Variants in BACE2 observed in about 807,000 individuals in gnomAD.
BACE2 encodes the protein 56 kDa aspartic-like protease.
A neutral mutation model predicts 46.2 loss-of-function variants in BACE2; 17 were observed. The ratio of observed to expected loss-of-function variants is 0.37; its 90% CI spans 0.25 to 0.55. The LOEUF (loss-of-function observed/expected upper bound fraction) is 0.55. Ranked by LOEUF, BACE2 falls within the 20% of genes least tolerant of loss-of-function variation. The pLI, the probability that BACE2 is intolerant of heterozygous loss-of-function variation, is 0.82. For missense variants in BACE2, 595 were observed against 698.1 expected, an observed-to-expected ratio of 0.85 and a Z score of 1.66; for synonymous variants, 277 against 295.9, an observed-to-expected ratio of 0.94 and a Z score of 0.66.
intron 1 of BACE2, among the ~76,000 whole-genome samples, chr21:41,174,386 C>T (rs2123485129): frequency 6.6e-6 from 1 of 151,746 alleles, no homozygotes; most frequent in East Asian, 1.9e-4. Flanking sequence ...AGTGATCTGC[C>T]CACCTCGGCC....
Position 41,281,276 on chromosome 21 carries a change from T to C in BACE2, c.*5652T>C, listed in dbSNP as rs1330789667. On this transcript the variant is annotated 3_prime_UTR_variant, in exon 9 of 9. Transcript: ENST00000330333. ...ATTTTTTCCAATGTAGATTTATAAT[T>C]AGAAATGACAGATTTATAATATAGA... 1 of 152,342 alleles carries C rather than the reference T, an allele frequency of 6.6e-6. No homozygotes were observed. 9.4% of individuals were successfully genotyped at this position (152,342 alleles called of 1,614,324 possible).
intron 1 of BACE2, among the ~76,000 whole-genome samples, chr21:41,189,955 A>G (rs1163890223): frequency 6.6e-6 from 1 of 152,198 alleles, no homozygotes; most frequent in Non-Finnish European, 1.5e-5. Flanking sequence ...GGAAGCGTCC[A>G]GTACGGGAGA....
intron 1 of BACE2, among the ~76,000 whole-genome samples, chr21:41,174,962 A>G (rs1437424641): frequency 6.6e-6 from 1 of 152,034 alleles, no homozygotes; most frequent in African/African-American, 2.4e-5. Flanking sequence ...GGGTATAAAC[A>G]TGTTTCTGGT....
intron 1 of BACE2, among the ~76,000 whole-genome samples, chr21:41,200,548 C>G (rs78674434): frequency 2.0e-5 from 3 of 152,136 alleles, no homozygotes; most frequent in African/African-American, 7.2e-5. Context: ...GCTAGCCCGG[C>G]CCCCTGTGAT....
intron 1 of BACE2, among the ~76,000 whole-genome samples, chr21:41,224,360 G>A (rs962588556): frequency 9.9e-5 from 15 of 151,910 alleles, no homozygotes; most frequent in African/African-American, 2.2e-4. Flanking sequence ...GACTGCAGGC[G>A]TGTGCCACCA....
At chr21:41,187,944 G>C (rs1345419448) in intron 1 of BACE2, among the ~76,000 whole-genome samples, 2 of 152,174 alleles carry the variant, frequency 1.3e-5, no homozygotes, top group Non-Finnish European at 2.9e-5. Context: ...GTATATATAA[G>C]AATTTACTAC....
chr21:41,247,603 G>C (rs1463996855), intron 6 of BACE2, among the ~76,000 whole-genome samples: 2 of 152,260 alleles, frequency 1.3e-5, no homozygotes, highest in Non-Finnish European at 2.9e-5. Flanking sequence ...GAAGCGCAGT[G>C]TGAAAATCCA....
intron 8 of BACE2, among the ~76,000 whole-genome samples, chr21:41,274,913 G>A (rs1040394483): frequency 6.6e-6 from 1 of 152,128 alleles, no homozygotes; most frequent in African/African-American, 2.4e-5. Context: ...GACTCCACTG[G>A]GGAAAATTCC....
chr21:41,243,517 A>G lies in BACE2; in HGVS notation c.882+7A>G, dbSNP rs1865004423. On this transcript the variant is annotated splice_region_variant and intron_variant, in intron 5 of 8. Coordinates refer to ENST00000330333, the MANE Select transcript of BACE2 (RefSeq NM_012105.5). ...TAATCTGGACTGCAGAGAGGTATTTATGCTATGGTCTCTGTTGTGTCTTTC... is the reference window on the plus strand; with the variant it reads ...TAATCTGGACTGCAGAGAGGTATTTGTGCTATGGTCTCTGTTGTGTCTTTC... 6.2e-7 allele frequency: 1 copy of G among 1,605,750 alleles called. No individual in the cohort carries two copies. The highest frequency in any genetic ancestry group is 8.5e-7 in the Non-Finnish European group (1 of 1,176,836).
At position 41,171,705 on chromosome 21, in the gene BACE2, A is replaced by G. The variant is rs377328782; in HGVS notation, c.312+3130A>G. On this transcript the variant is annotated intron_variant, in intron 1 of 8. Transcript: ENST00000330333. ...AAAAAGAGACTTTCATGTTAACACAATAACTCCAGCTGAAGACAGGAGAAG... is the reference window on the plus strand; with the variant it reads ...AAAAAGAGACTTTCATGTTAACACAGTAACTCCAGCTGAAGACAGGAGAAG... Among the ~76,000 whole-genome samples, 5 of 152,368 alleles carry G rather than the reference A, an allele frequency of 3.3e-5. No individual in the cohort carries two copies. The South Asian group carries it at 8.3e-4, about 25-fold the overall frequency.
intron 1 of BACE2, among the ~76,000 whole-genome samples, chr21:41,186,958 C>T (rs532417856): frequency 2.6e-5 from 4 of 152,322 alleles, no homozygotes; most frequent in South Asian, 4.1e-4. Flanking sequence ...AACGGTAAAC[C>T]GACATGGCAT....
intron 6 of BACE2, 122 bp downstream of exon 6, chr21:41,246,185 T>TTCCATTTCCA: frequency 3.5e-6 from 2 of 564,996 alleles, no homozygotes; most frequent in South Asian, 6.0e-5. Flanking sequence ...ATTTTCATAT[T>TTCCATTTCCA]GTGTATTTGT....
intron 1 of BACE2, among the ~76,000 whole-genome samples, chr21:41,221,571 A>G (rs1470934112): frequency 6.6e-6 from 1 of 152,196 alleles, no homozygotes; most frequent in African/African-American, 2.4e-5. Context: ...CACGCCTGTA[A>G]TCCCAGCACT....
chr21:41,200,739 G>A (rs1480356431), intron 1 of BACE2, among the ~76,000 whole-genome samples: 1 of 152,196 alleles, frequency 6.6e-6, no homozygotes, highest in South Asian at 2.1e-4. Flanking sequence ...AGACACCAGG[G>A]ATGTGCGCAG....
chr21:41,204,081 G>A (rs1450449774), intron 1 of BACE2, among the ~76,000 whole-genome samples: 1 of 152,200 alleles, frequency 6.6e-6, no homozygotes, highest in South Asian at 2.1e-4. Context: ...CAGTGGTGCA[G>A]TCTTGGCTCA....
chr21:41,255,573 G>C (rs1442791693), intron 7 of BACE2, among the ~76,000 whole-genome samples: 1 of 152,184 alleles, frequency 6.6e-6, no homozygotes, highest in East Asian at 1.9e-4. Context: ...CCGCCCTATG[G>C]TTACTGCCTG....
chr21:41,226,840 T>A (rs1194716731), intron 2 of BACE2, among the ~76,000 whole-genome samples: 1 of 152,190 alleles, frequency 6.6e-6, no homozygotes, highest in Non-Finnish European at 1.5e-5. Context: ...TGGAAGCCAT[T>A]TCTGTGGGTT....
chr21:41,242,475 A>G (rs1987330907), intron 4 of BACE2, among the ~76,000 whole-genome samples: 2 of 152,134 alleles, frequency 1.3e-5, no homozygotes, highest in South Asian at 2.1e-4. Context: ...CGGCACCCAG[A>G]CGTCAAAAGT....
rs756173057 is a variant in BACE2 at position 41,275,551 on chromosome 21, G to T, written c.1484G>T (p.Arg495Leu). 2.2e-5 allele frequency: 35 copies of T among 1,613,934 alleles called. No individual in the cohort carries two copies. Among genetic ancestry groups the T allele is most frequent in the Middle Eastern group, 1.6e-4 (1 of 6,084 alleles). The change falls in exon 9 of 9, where the codon CGG (arginine) becomes CTG (leucine). Residue 495 changes from arginine (R) to leucine (L), a missense_variant. By Grantham distance (102) the Arg-to-Leu change is moderately radical. Coordinates refer to ENST00000330333, the MANE Select transcript of BACE2 (RefSeq NM_012105.5). Reference protein sequence around the residue: ...VLIVLLLLPFRCQRRPRDPEV... With the variant: ...VLIVLLLLPFLCQRRPRDPEV... The stretch of plus-strand genomic sequence containing the variant: ...ATCGTCCTGCTGCTGCTGCCGTTCC[G>T]GTGTCAGCGTCGCCCCCGTGACCCT...
Sources: gnomAD v4.1 joint callset for allele counts (sites outside exome capture counted in the v4.1 genomes callset) on GRCh38, gnomAD v4.1.1 for gene constraint, MANE v1.5 for transcripts, NCBI Gene and HGNC (gene_info 2026-07-23, HGNC 2026-07-21) for gene names.